The following IAH1 variants were observed in gnomAD, a reference collection of about 807,000 sequenced individuals.
IAH1 encodes the protein isoamyl acetate hydrolyzing esterase 1 (putative).
A neutral mutation model predicts 26.7 loss-of-function variants in IAH1; 24 were observed. That is an observed-to-expected ratio of 0.90 (90% CI 0.65 to 1.26). IAH1 has a LOEUF of 1.26. Ranked by LOEUF, IAH1 falls within the 50% of genes most tolerant of loss-of-function variation. The pLI, the probability that IAH1 is intolerant of heterozygous loss-of-function variation, is 0.00. For missense variants in IAH1, 300 were observed against 299.9 expected, an observed-to-expected ratio of 1.00 and a Z score of 0.00; for synonymous variants, 140 against 118.5, an observed-to-expected ratio of 1.18 and a Z score of -1.18.
chr2:9,503,781 T>A, the IAH1 span, among the ~76,000 whole-genome samples: 2,127 of 147,184 alleles, frequency 0.014, 91 homozygotes, highest in East Asian at 0.18. Context: ...GAGGTTGCAG[T>A]GAGCCAAGAT....
At chr2:9,482,818 G>A (rs774930705) in intron 4 of IAH1, among the ~76,000 whole-genome samples, 1 of 152,244 alleles carries the variant, frequency 6.6e-6, no homozygotes, top group Non-Finnish European at 1.5e-5. Context: ...AGAAACCCCA[G>A]CCTGCGGGAC....
chr2:9,481,777 C>G (rs1232030883), intron 4 of IAH1, among the ~76,000 whole-genome samples: 1 of 145,910 alleles, frequency 6.9e-6, no homozygotes, highest in African/African-American at 2.5e-5. Flanking sequence ...CCTGCGGGGG[C>G]TGATGCTGAT....
downstream of IAH1, among the ~76,000 whole-genome samples, chr2:9,499,463 G>A (rs1047312637): frequency 1.4e-4 from 21 of 151,946 alleles, no homozygotes; most frequent in Non-Finnish European, 2.2e-4. Flanking sequence ...GTGCAGTGGC[G>A]TGATCTCGGC....
At chr2:9,491,525 A>AACTGGTAGGAAGACCC (rs1203740778), downstream of IAH1, among the ~76,000 whole-genome samples, 1 of 152,240 alleles carries the variant, frequency 6.6e-6, no homozygotes, top group Admixed American at 6.5e-5. Context: ...CTGGAAGGGC[A>AACTGGTAGGAAGACCC]ACTGGTAGGA....
chr2:9,479,087 G>T (rs945947993), intron 3 of IAH1, among the ~76,000 whole-genome samples: 7 of 152,122 alleles, frequency 4.6e-5, no homozygotes, highest in Non-Finnish European at 8.8e-5. Flanking sequence ...AACACCAACT[G>T]CAGTAAGAGG....
chr2:9,509,127 C>T, the IAH1 span, among the ~76,000 whole-genome samples: 1 of 152,066 alleles, frequency 6.6e-6, no homozygotes, highest in Non-Finnish European at 1.5e-5. Context: ...GCACATTAGC[C>T]CACAGCCAAG....
chr2:9,479,224 TCAAAA>T (rs1661008081), intron 3 of IAH1, among the ~76,000 whole-genome samples: 1 of 151,992 alleles, frequency 6.6e-6, no homozygotes, highest in Non-Finnish European at 1.5e-5. Flanking sequence ...ATAAGAAAAC[TCAAAA>T]CAGAATTTTT....
intron 5 of IAH1, chr2:9,484,805 A>G: frequency 2.5e-6 from 1 of 394,054 alleles, no homozygotes; most frequent in East Asian, 4.5e-5. Flanking sequence ...CACATGGCTC[A>G]TATTTATGAA....
At chr2:9,475,290 C>T in intron 1 of IAH1, 1 of 1,035,256 alleles carries the variant, frequency 9.7e-7, no homozygotes, top group Non-Finnish European at 1.3e-6. Context: ...CTTGCTTCAC[C>T]AGGCTTTTGT....
At chr2:9,505,473 C>T in the IAH1 span, 1 of 1,158,012 alleles carries the variant, frequency 8.6e-7, no homozygotes, top group African/African-American at 1.5e-5. Context: ...AAACCACCAT[C>T]AGAGCCACCC....
chr2:9,474,608 C>G lies in IAH1; in HGVS notation c.42C>G (p.Leu14=). 1.3e-6 allele frequency: 2 copies of G among 1,553,862 alleles called. No individual in the cohort carries two copies. Among genetic ancestry groups the G allele is most frequent in the South Asian group, 1.2e-5 (1 of 85,376 alleles). Residue 14 remains leucine (L), a synonymous_variant, in exon 1 of 6, where the codon CTC becomes CTG. Transcript: ENST00000497473. This position sits in a 1 kb window ranked among gnomAD's most constrained non-coding sequence, Gnocchi z 4.3. The stretch of plus-strand genomic sequence containing the variant: ...CCGCGGGCTGCGGGAGTGCCCTGCT[C>G]TGGCCTCGCTTGTTGCTCTTCGGGG... The part of the protein sequence containing the change: ...CEAAGCGSAL[L]WPRLLLFGDS...
downstream of IAH1, among the ~76,000 whole-genome samples, chr2:9,490,948 G>A (rs1346784259): frequency 6.6e-6 from 1 of 152,130 alleles, no homozygotes; most frequent in Non-Finnish European, 1.5e-5. Flanking sequence ...CATCACTGTT[G>A]TCAGAAGGGT....
chr2:9,506,203 C>T, the IAH1 span, among the ~76,000 whole-genome samples: 2 of 152,168 alleles, frequency 1.3e-5, no homozygotes, highest in East Asian at 3.9e-4. Flanking sequence ...CCCCAGACAA[C>T]AATCATGAAG....
At chr2:9,503,213 G>A in the IAH1 span, among the ~76,000 whole-genome samples, 24 of 150,178 alleles carry the variant, frequency 1.6e-4, no homozygotes, top group African/African-American at 5.6e-4. Flanking sequence ...TAAGACACTC[G>A]GCAGCCAGAA....
chr2:9,500,324 T>C (rs1264637652), downstream of IAH1, among the ~76,000 whole-genome samples: 6 of 152,240 alleles, frequency 3.9e-5, no homozygotes, highest in African/African-American at 1.4e-4. Flanking sequence ...CCATATTGTA[T>C]AATTCCATTT....
In IAH1 at chr2:9,475,144, TTAGG is replaced by T. The variant is rs576956835; in HGVS notation, c.81+501_81+504del. 6.7e-4 allele frequency: 857 copies of T among 1,282,116 alleles called. 2 individuals are homozygous for T. The African/African-American group carries it at 9.3e-3, about 14-fold the overall frequency. 79.4% of individuals were successfully genotyped at this position (1,282,116 alleles called of 1,614,324 possible). ...CTTGGAAGTAAAACGCCTTCAGGAA[TTAGG>T]TAGAAAAGGACCATCCGTTCATCCA... On this transcript the variant is annotated intron_variant, in intron 1 of 5. Coordinates refer to ENST00000497473, the MANE Select transcript of IAH1 (RefSeq NM_001039613.3).
downstream of IAH1, among the ~76,000 whole-genome samples, chr2:9,501,130 C>A (rs944835366): frequency 6.6e-6 from 1 of 151,982 alleles, no homozygotes; most frequent in African/African-American, 2.4e-5. Context: ...ACATGAAACC[C>A]AATTTTTAAA....
intron 3 of IAH1, 101 bp downstream of exon 3, chr2:9,478,471 AATAG>A: frequency 8.6e-7 from 1 of 1,164,330 alleles, no homozygotes; most frequent in Non-Finnish European, 1.2e-6. Flanking sequence ...ACTTTCTCCC[AATAG>A]ATACAGTTTT....
Position 9,487,788 on chromosome 2 carries a change from TTGTGTGTGTG to T in IAH1, c.565-322_565-313del, listed in dbSNP as rs70948823. Among the ~76,000 whole-genome samples, 445 of 134,006 alleles carry T rather than the reference TTGTGTGTGTG, an allele frequency of 3.3e-3. 3 individuals are homozygous for T. Among genetic ancestry groups the T allele is most frequent in the South Asian group, 0.011 (43 of 3,918 alleles). 87.9% of individuals were successfully genotyped at this position (134,006 alleles called of 152,430 possible). A position where few individuals can be genotyped will look rare whatever the true frequency, so the allele number is the denominator to read the frequency against. ...GTTATACCCTCCCTCCCCGGCCTTT[TTGTGTGTGTG>T]TGTGTGTGTGTGTGTGTGTGTGTGT... is the stretch of plus-strand genomic sequence containing the variant. On this transcript the variant is annotated intron_variant, in intron 5 of 5. Coordinates refer to ENST00000497473, the MANE Select transcript of IAH1 (RefSeq NM_001039613.3).
Sources: gnomAD v4.1 joint callset for allele counts (sites outside exome capture counted in the v4.1 genomes callset) on GRCh38, gnomAD v4.1.1 for gene constraint, Gnocchi (gnomAD v3.1) non-coding constraint, MANE v1.5 for transcripts, NCBI Gene and HGNC (gene_info 2026-07-23, HGNC 2026-07-21) for gene names.